The following MARCHF8 variants were observed in gnomAD, a reference collection of about 807,000 sequenced individuals.
The protein encoded by MARCHF8 is E3 ubiquitin-protein ligase MARCHF8.
Under a neutral mutation model 51.6 loss-of-function variants are expected in MARCHF8, and 40 were observed. That is an observed-to-expected ratio of 0.77 (90% CI 0.60 to 1.01). The LOEUF is 1.01. Ranked by LOEUF, MARCHF8 falls within the 50% of genes least tolerant of loss-of-function variation. The pLI, the probability that MARCHF8 is intolerant of heterozygous loss-of-function variation, is 0.00. For missense variants in MARCHF8, 685 were observed against 708.6 expected, an observed-to-expected ratio of 0.97 and a Z score of 0.38; for synonymous variants, 263 against 280.3, an observed-to-expected ratio of 0.94 and a Z score of 0.62.
At chr10:45,495,210 CA>C (rs1247199052) in intron 2 of MARCHF8, among the ~76,000 whole-genome samples, 1 of 151,598 alleles carries the variant, frequency 6.6e-6, no homozygotes, top group Non-Finnish European at 1.5e-5. Context: ...CAATATTAGA[CA>C]TTAAAACTGA....
rs114463610 is a variant in MARCHF8 at position 45,557,689 on chromosome 10, C to T, written c.-78-24400G>A. Among the ~76,000 whole-genome samples, 671 of 152,178 alleles carry T rather than the reference C, an allele frequency of 4.4e-3. 3 individuals are homozygous for T. The highest frequency in any genetic ancestry group is 0.014 in the African/African-American group (586 of 41,520). On this transcript the variant is annotated intron_variant, in intron 1 of 6. Transcript: ENST00000319836. Reference sequence around the variant, plus strand: ...AATGTGGTTTCAGGGTCACTCTAAACGGAAGTGAGGAACCAAAACAGGAAG... The same window carrying T: ...AATGTGGTTTCAGGGTCACTCTAAATGGAAGTGAGGAACCAAAACAGGAAG...
Position 45,489,393 on chromosome 10 carries a change from T to G in MARCHF8, c.127A>C (p.Met43Leu). ...EQNEKTLGHF[M>L]SHSSNISKAG... ...TTAGAAATGTTGCTTGAATGACTCA[T>G]GAAATGTCCCAAAGTCTTCTCATTC... Residue 43 changes from methionine to leucine, a missense_variant, in exon 3 of 8, where the codon ATG (methionine) becomes CTG (leucine). By Grantham distance (15) the Met-to-Leu change is conservative. Coordinates refer to ENST00000453424, the MANE Select transcript of MARCHF8 (RefSeq NM_001282866.2). 6.2e-7 allele frequency: 1 copy of G among 1,613,028 alleles called. No individual in the cohort carries two copies. The highest frequency in any genetic ancestry group is 1.1e-5 in the South Asian group (1 of 90,738).
chr10:45,540,026 C>T (rs963941459), upstream of MARCHF8, among the ~76,000 whole-genome samples: 7 of 152,148 alleles, frequency 4.6e-5, no homozygotes, highest in African/African-American at 7.2e-5. Flanking sequence ...GAACTACAAA[C>T]CACTGCTCAA....
At chr10:45,593,349 C>G (rs888819387) in intron 1 of MARCHF8, 1 of 151,994 alleles carries the variant, frequency 6.6e-6, no homozygotes, top group Non-Finnish European at 1.5e-5. Flanking sequence ...TTTGTCTACA[C>G]ACTACCACCT....
intron 1 of MARCHF8, among the ~76,000 whole-genome samples, chr10:45,544,733 T>C (rs1405602896): frequency 6.6e-6 from 1 of 152,144 alleles, no homozygotes; most frequent in African/African-American, 2.4e-5. Flanking sequence ...AGAGGGAACT[T>C]TGGGGGCAAA....
intron 1 of MARCHF8, among the ~76,000 whole-genome samples, chr10:45,591,585 T>C (rs757535894): frequency 6.6e-6 from 1 of 152,170 alleles, no homozygotes; most frequent in Non-Finnish European, 1.5e-5. Flanking sequence ...CTATTGGTAA[T>C]ATTCTACTTT....
intron 1 of MARCHF8, among the ~76,000 whole-genome samples, chr10:45,584,488 T>C (rs1236003587): frequency 6.6e-6 from 1 of 152,006 alleles, no homozygotes; most frequent in African/African-American, 2.4e-5. Context: ...TATCTGACAA[T>C]ATTAAGTGAC....
chr10:45,531,910 C>G (rs1038612092), intron 2 of MARCHF8, among the ~76,000 whole-genome samples: 5 of 152,136 alleles, frequency 3.3e-5, no homozygotes, highest in African/African-American at 1.2e-4. Flanking sequence ...CTCCACTGGA[C>G]AAAAATTTAC....
chr10:45,463,689 AT>A lies in MARCHF8; in HGVS notation c.549del (p.Lys183AsnfsTer2). On this transcript the variant is annotated frameshift_variant, in exon 5 of 8. Coordinates refer to ENST00000453424, the MANE Select transcript of MARCHF8 (RefSeq NM_001282866.2). LOFTEE classifies it high-confidence loss of function. ...AYVERTCSEG[K>X]LILPQDTCLR... The stretch of plus-strand genomic sequence containing the variant: ...AGACACGTATCTTGAGGGAGTATTA[AT>A]TTCCCTTCAGAACAAGTTCTTTCCA... The A allele has an allele frequency of 6.4e-7, 1 of 1,550,876 alleles. No individual in the cohort carries two copies.
At chr10:45,518,223 C>T (rs1415472372) in intron 2 of MARCHF8, among the ~76,000 whole-genome samples, 1 of 152,112 alleles carries the variant, frequency 6.6e-6, no homozygotes, top group Non-Finnish European at 1.5e-5. Context: ...GGTTATCAGG[C>T]AAGTCCTTCC....
chr10:45,510,201 A>T (rs71496603), intron 2 of MARCHF8, among the ~76,000 whole-genome samples: 9,358 of 152,210 alleles, frequency 0.061, 322 homozygotes, highest in Non-Finnish European at 0.066. Context: ...AAGAGAGGCC[A>T]CACCAGAAAC....
At chr10:45,475,269 T>C (rs34937315) in intron 3 of MARCHF8, among the ~76,000 whole-genome samples, 9,439 of 152,252 alleles carry the variant, frequency 0.062, 336 homozygotes, top group Non-Finnish European at 0.067. Flanking sequence ...GGCATACCTA[T>C]TGCCACTGAA....
At chr10:45,532,615 G>A (rs971630653) in intron 2 of MARCHF8, among the ~76,000 whole-genome samples, 2 of 152,200 alleles carry the variant, frequency 1.3e-5, no homozygotes, top group Non-Finnish European at 2.9e-5. Flanking sequence ...CAGGAAGTAA[G>A]ACCTCACCAG....
chr10:45,469,860 G>A (rs1239818983), intron 3 of MARCHF8, among the ~76,000 whole-genome samples: 60 of 56,692 alleles, frequency 1.1e-3, no homozygotes, highest in African/African-American at 4.2e-3. Context: ...GTGAGACTCC[G>A]TCTCAAAAAA....
intron 3 of MARCHF8, among the ~76,000 whole-genome samples, chr10:45,477,903 A>G (rs2042815618): frequency 6.6e-6 from 1 of 152,244 alleles, no homozygotes; most frequent in Non-Finnish European, 1.5e-5. Flanking sequence ...ACACCAGAGC[A>G]CTCAGATGTA....
At chr10:45,490,027 G>A (rs1325984750) in intron 2 of MARCHF8, among the ~76,000 whole-genome samples, 3 of 152,164 alleles carry the variant, frequency 2.0e-5, no homozygotes, top group Non-Finnish European at 4.4e-5. Flanking sequence ...ACATAGTCTT[G>A]TATCAAATTC....
chr10:45,543,797 CA>C (rs35514763), intron 1 of MARCHF8, among the ~76,000 whole-genome samples: 10,745 of 49,524 alleles, frequency 0.22, 145 homozygotes, highest in Admixed American at 0.24. Context: ...GACTCCGTCT[CA>C]AAAAAAAAAA....
chr10:45,583,265 A>G (rs2044575464), intron 1 of MARCHF8, among the ~76,000 whole-genome samples: 1 of 152,214 alleles, frequency 6.6e-6, no homozygotes, highest in South Asian at 2.1e-4. Flanking sequence ...AAAGAACACC[A>G]AAACACCATT....
At chr10:45,536,091 G>A, upstream of MARCHF8, among the ~76,000 whole-genome samples, 1 of 152,122 alleles carries the variant, frequency 6.6e-6, no homozygotes, top group Non-Finnish European at 1.5e-5. Flanking sequence ...AAGGGACTCA[G>A]ATCTGCCAAA....
Sources: allele counts gnomAD v4.1 joint callset (sites outside exome capture counted in the v4.1 genomes callset), GRCh38; gene constraint gnomAD v4.1.1; transcripts MANE v1.5; gene names NCBI Gene and HGNC (gene_info 2026-07-23, HGNC 2026-07-21).